TUSC3: variants seen among roughly 807,000 people sequenced by gnomAD.
TUSC3 encodes the protein dolichyl-diphosphooligosaccharide--protein glycosyltransferase subunit TUSC3.
A neutral mutation model predicts 44.8 loss-of-function variants in TUSC3; 45 were observed. The ratio of observed to expected loss-of-function variants is 1.00; its 90% CI spans 0.79 to 1.29. TUSC3 has a LOEUF of 1.29. Ranked by LOEUF, TUSC3 falls within the 50% of genes most tolerant of loss-of-function variation. TUSC3 has a pLI of 0.00. For missense variants in TUSC3, 519 were observed against 437.9 expected (o/e 1.19, Z -1.65); for synonymous variants, 212 against 152.9 (o/e 1.39, Z -2.85).
chr8:15,485,626 C>T (rs1007207646), intron 2 of TUSC3, among the ~76,000 whole-genome samples: 1 of 152,074 alleles, frequency 6.6e-6, no homozygotes, highest in Non-Finnish European at 1.5e-5. Flanking sequence ...TTTCTCTCTT[C>T]TATCTCTACT....
chr8:15,430,726 A>T (rs1799862881), intron 1 of TUSC3, among the ~76,000 whole-genome samples: 1 of 151,676 alleles, frequency 6.6e-6, no homozygotes, highest in South Asian at 2.1e-4. Context: ...ATATCTAGAA[A>T]ACCCCATTGT....
At chr8:15,772,149 T>G in the TUSC3 span, among the ~76,000 whole-genome samples, 1 of 151,522 alleles carries the variant, frequency 6.6e-6, no homozygotes, top group Non-Finnish European at 1.5e-5. Context: ...CTTTAAAGAA[T>G]TGGAAAAAGA....
At chr8:15,435,220 T>C (rs1290624690) in intron 1 of TUSC3, among the ~76,000 whole-genome samples, 2 of 151,916 alleles carry the variant, frequency 1.3e-5, no homozygotes, top group Non-Finnish European at 2.9e-5. Context: ...TTTTTAATGA[T>C]CGCCATTCTA....
intron 2 of TUSC3, among the ~76,000 whole-genome samples, chr8:15,495,443 C>A (rs971304861): frequency 3.9e-5 from 6 of 152,120 alleles, no homozygotes; most frequent in Admixed American, 2.0e-4. Context: ...ACCCAGTGAA[C>A]CCACTGTGCC....
chr8:15,454,471 T>A (rs1413781601), intron 1 of TUSC3, among the ~76,000 whole-genome samples: 2 of 152,190 alleles, frequency 1.3e-5, no homozygotes, highest in African/African-American at 4.8e-5. Context: ...TATGCACAGA[T>A]TTGATTTAGC....
chr8:15,694,434 CCAAAAAAAAAAAAAAAA>C (rs1274583488), intron 6 of TUSC3, among the ~76,000 whole-genome samples: 3 of 46,660 alleles, frequency 6.4e-5, no homozygotes, highest in African/African-American at 2.5e-4. Flanking sequence ...GAAACTCCAT[CCAAAAAAAAAAAAAAAA>C]AAAAAAAAAG....
chr8:15,649,272 G>C (rs764958085), intron 2 of TUSC3, among the ~76,000 whole-genome samples: 10 of 152,066 alleles, frequency 6.6e-5, no homozygotes, highest in Non-Finnish European at 1.2e-4. Flanking sequence ...GGGTGCAGAA[G>C]TTTGGTCTAC....
intron 1 of TUSC3, among the ~76,000 whole-genome samples, chr8:15,478,739 CAT>C (rs1432452559): frequency 6.6e-6 from 1 of 152,118 alleles, no homozygotes; most frequent in Non-Finnish European, 1.5e-5. Context: ...CTGCAAAGAA[CAT>C]ATGTGTGCAT....
At chr8:15,644,561 C>G (rs771169284) in intron 2 of TUSC3, among the ~76,000 whole-genome samples, 37 of 152,072 alleles carry the variant, frequency 2.4e-4, no homozygotes, top group Non-Finnish European at 5.1e-4. Flanking sequence ...CAAGGATCCT[C>G]TGAATTTCTT....
At chr8:15,758,239 T>C in intron 10 of TUSC3, 1 of 997,444 alleles carries the variant, frequency 1.0e-6, no homozygotes, top group South Asian at 4.3e-5. Flanking sequence ...AATGTAAGCC[T>C]TAATATTCAA....
rs536484483 is a variant in TUSC3, at chr8:15,609,502, A to G, written c.139-13578A>G. ...GTTTTAAAATGAGATATTTATTTAT[A>G]AATGAATGTCCAACAGAAGGATATG... On this transcript the variant is annotated intron_variant, in intron 1 of 10. Coordinates refer to ENST00000503731, the MANE Select transcript of TUSC3 (RefSeq NM_006765.4). Among the ~76,000 whole-genome samples the G allele has an allele frequency of 4.0e-3, 615 of 152,290 alleles. 12 individuals carry two copies. The highest frequency in any genetic ancestry group is 9.3e-4 in the Non-Finnish European group (63 of 68,018).
intron 2 of TUSC3, among the ~76,000 whole-genome samples, chr8:15,510,685 C>G (rs1370628072): frequency 6.6e-6 from 1 of 152,038 alleles, no homozygotes; most frequent in Non-Finnish European, 1.5e-5. Flanking sequence ...CAATTTTACA[C>G]AAACTGTTCC....
Position 15,662,184 on chromosome 8 carries a change from C to G in TUSC3, c.596C>G (p.Ser199Cys). The change falls in exon 5 of 11, where the codon TCT becomes TGT. Residue 199 changes from serine (S) to cysteine (C), a missense_variant. Coordinates refer to ENST00000503731, the MANE Select transcript of TUSC3 (RefSeq NM_006765.4). The part of the protein sequence containing the change: ...HIRVFRPPNY[S>C]GTIALALLVS... ...CGGGTTTTCAGACCACCCAACTACT[C>G]TGGTACCATTGCTTTGGCCCTGTTA... 1 of 1,613,028 alleles carries G rather than the reference C, an allele frequency of 6.2e-7. No individual in the cohort carries two copies. The highest frequency in any genetic ancestry group is 1.1e-5 in the South Asian group (1 of 91,048).
chr8:15,679,517 T>G (rs1265330490), intron 6 of TUSC3, among the ~76,000 whole-genome samples: 1 of 152,050 alleles, frequency 6.6e-6, no homozygotes, highest in African/African-American at 2.4e-5. Context: ...AGATACATAG[T>G]TTGTATTTTC....
the TUSC3 span, among the ~76,000 whole-genome samples, chr8:15,803,049 G>C: frequency 0.23 from 34,536 of 152,006 alleles, 4,076 homozygotes; most frequent in South Asian, 0.39. Flanking sequence ...TTAAATATAA[G>C]ACCAAGGTCA....
chr8:15,801,099 G>C, the TUSC3 span, among the ~76,000 whole-genome samples: 3 of 152,254 alleles, frequency 2.0e-5, no homozygotes, highest in African/African-American at 7.2e-5. Flanking sequence ...GAAAGTAAAA[G>C]AATAAAAGAA....
rs570319678 is a variant in TUSC3, at chr8:15,602,818, T to C, written c.139-20262T>C. On this transcript the variant is annotated intron_variant, in intron 1 of 10. Transcript: ENST00000503731. ...TTTTATTATCACATGTTATTAATTG[T>C]ATTCCTTTTATACAAAGAAAAAAGG... is the stretch of plus-strand genomic sequence containing the variant. Among the ~76,000 whole-genome samples the C allele has an allele frequency of 3.6e-4, 54 of 151,656 alleles. 1 individual carries two copies. Among genetic ancestry groups the C allele is most frequent in the African/African-American group, 1.3e-3 (53 of 41,482 alleles).
intron 10 of TUSC3, chr8:15,758,107 C>T (rs943195811): frequency 8.1e-7 from 1 of 1,241,670 alleles, no homozygotes; most frequent in Non-Finnish European, 1.0e-6. Context: ...AATGCTTCCA[C>T]CCCCAACAAA....
chr8:15,624,971 C>G (rs2129165324), intron 2 of TUSC3, among the ~76,000 whole-genome samples: 1 of 152,134 alleles, frequency 6.6e-6, no homozygotes, highest in Middle Eastern at 3.4e-3. Flanking sequence ...AATCTGTCAT[C>G]AAGTATGATA....
Sources: allele counts gnomAD v4.1 joint callset (sites outside exome capture counted in the v4.1 genomes callset), GRCh38; gene constraint gnomAD v4.1.1; transcripts MANE v1.5; gene names NCBI Gene and HGNC (gene_info 2026-07-23, HGNC 2026-07-21).